The following CYP7B1 variants were observed in gnomAD, a reference collection of about 807,000 sequenced individuals.
CYP7B1 encodes the protein cytochrome P450 family 7 subfamily B member 1, also known as cytochrome P450 7B1.
CYP7B1 carries 29 observed loss-of-function variants against 42.7 expected under a neutral mutation model. That is an observed-to-expected ratio of 0.68 (90% confidence interval 0.51 to 0.93). The LOEUF (loss-of-function observed/expected upper bound fraction) is 0.93. Among genes scored for constraint, CYP7B1 ranks in the 40% least tolerant of loss-of-function variants. The probability of loss-of-function intolerance (pLI) is 0.00; values close to 1 mark genes in which losing one functional copy is unlikely to be tolerated. For synonymous variants in CYP7B1, 235 were observed against 218.2 expected (o/e 1.08, Z -0.68); for missense variants, 655 against 600.5 (o/e 1.09, Z -0.95).
At position 64,722,754 on chromosome 8, in the gene CYP7B1, G is replaced by T. The variant is rs535151051; in HGVS notation, c.122+75712C>A. ...ATGATTTTTTGCGGCGGGGGGGGGG[G>T]GGCGGGAGGTTTTTTTTTATTATTA... On this transcript the variant is annotated intron_variant, in intron 1 of 5. Coordinates refer to ENST00000310193, the MANE Select transcript of CYP7B1 (RefSeq NM_004820.5). 7.9e-5 allele frequency among the ~76,000 whole-genome samples: 7 copies of T among 88,598 alleles called. 1 individual carries two copies. Among genetic ancestry groups the T allele is most frequent in the Non-Finnish European group, 1.4e-4 (7 of 48,396 alleles). 58.1% of individuals were successfully genotyped at this position (88,598 alleles called of 152,430 possible).
intron 1 of CYP7B1, among the ~76,000 whole-genome samples, chr8:64,686,023 G>A (rs1305145150): frequency 7.5e-5 from 7 of 93,286 alleles, no homozygotes; most frequent in African/African-American, 1.3e-4. Flanking sequence ...CCCTCAGCCC[G>A]GCCAGCCACC....
downstream of CYP7B1, among the ~76,000 whole-genome samples, chr8:64,587,158 T>G (rs1804978929): frequency 6.6e-6 from 1 of 152,174 alleles, no homozygotes; most frequent in Admixed American, 6.5e-5. Context: ...TTCCAGCAGG[T>G]CCAGCATCCC....
intron 1 of CYP7B1, among the ~76,000 whole-genome samples, chr8:64,774,972 T>C (rs370059958): frequency 8.5e-5 from 13 of 152,152 alleles, no homozygotes; most frequent in African/African-American, 3.1e-4. Flanking sequence ...CCTGACACAT[T>C]CCAAACAAGT....
chr8:64,790,124 A>G (rs902971159), intron 1 of CYP7B1, among the ~76,000 whole-genome samples: 3 of 152,198 alleles, frequency 2.0e-5, no homozygotes, highest in Non-Finnish European at 4.4e-5. Flanking sequence ...ACACATTTTG[A>G]AAAGTGTAAG....
At chr8:64,772,537 T>A (rs903738085) in intron 1 of CYP7B1, among the ~76,000 whole-genome samples, 1 of 152,154 alleles carries the variant, frequency 6.6e-6, no homozygotes, top group Non-Finnish European at 1.5e-5. Flanking sequence ...CCCTGCAGAT[T>A]TTGGACTTGC....
intron 1 of CYP7B1, among the ~76,000 whole-genome samples, chr8:64,787,391 G>A (rs188795603): frequency 8.5e-5 from 13 of 152,244 alleles, no homozygotes; most frequent in Admixed American, 2.0e-4. Flanking sequence ...CTCTGGGGCC[G>A]GGGCAAAATG....
intron 1 of CYP7B1, among the ~76,000 whole-genome samples, chr8:64,667,161 T>C (rs956461870): frequency 6.6e-6 from 1 of 152,074 alleles, no homozygotes; most frequent in Admixed American, 6.5e-5. Context: ...ATGGGGAAAA[T>C]AGAAGGAGGA....
intron 1 of CYP7B1, among the ~76,000 whole-genome samples, chr8:64,721,432 A>C (rs1380365729): frequency 6.6e-6 from 1 of 152,166 alleles, no homozygotes; most frequent in Non-Finnish European, 1.5e-5. Context: ...TCTATTCATC[A>C]TTTAGGGGTC....
intron 1 of CYP7B1, among the ~76,000 whole-genome samples, chr8:64,761,391 T>C (rs979932729): frequency 7.9e-5 from 12 of 152,132 alleles, no homozygotes; most frequent in Non-Finnish European, 1.3e-4. Flanking sequence ...ATTAGCTTGG[T>C]TGTGAGAATA....
At chr8:64,696,458 C>T (rs1806829665) in intron 1 of CYP7B1, among the ~76,000 whole-genome samples, 2 of 151,966 alleles carry the variant, frequency 1.3e-5, no homozygotes, top group African/African-American at 4.8e-5. Context: ...TTATTTTTAC[C>T]ACCTAATCCT....
At chr8:64,690,849 T>A (rs1424769333) in intron 1 of CYP7B1, among the ~76,000 whole-genome samples, 3 of 152,222 alleles carry the variant, frequency 2.0e-5, no homozygotes, top group African/African-American at 7.2e-5. Context: ...TGCCAGGACA[T>A]TTTTGTGGCT....
intron 1 of CYP7B1, among the ~76,000 whole-genome samples, chr8:64,679,947 A>T (rs1300115729): frequency 6.6e-6 from 1 of 152,112 alleles, no homozygotes; most frequent in African/African-American, 2.4e-5. Context: ...TCTTGGCAAA[A>T]TTATAAATAT....
chr8:64,591,887 T>C lies in CYP7B1; in HGVS notation c.*4755A>G, dbSNP rs1247445277. Among the ~76,000 whole-genome samples, 1 of 152,154 alleles carries C rather than the reference T, an allele frequency of 6.6e-6. No individual in the cohort carries two copies. Among genetic ancestry groups the C allele is most frequent in the East Asian group, 1.9e-4 (1 of 5,196 alleles). On this transcript the variant is annotated 3_prime_UTR_variant, in exon 6 of 6. Coordinates refer to ENST00000310193, the MANE Select transcript of CYP7B1 (RefSeq NM_004820.5). Reference sequence around the variant, plus strand: ...TTTTAATTCAAAACTTAGGTGAAGCTATAAAAATGAAAAGATGGGGGCGGG... The same window carrying C: ...TTTTAATTCAAAACTTAGGTGAAGCCATAAAAATGAAAAGATGGGGGCGGG...
At chr8:64,778,610 A>G (rs1201183661) in intron 1 of CYP7B1, among the ~76,000 whole-genome samples, 1 of 152,116 alleles carries the variant, frequency 6.6e-6, no homozygotes, top group Admixed American at 6.6e-5. Flanking sequence ...GATGAGAAAC[A>G]CACTAAACTG....
chr8:64,681,563 C>T (rs1412277635), intron 1 of CYP7B1, among the ~76,000 whole-genome samples: 1 of 152,210 alleles, frequency 6.6e-6, no homozygotes, highest in Non-Finnish European at 1.5e-5. Context: ...GTATTGGAGT[C>T]TTTCTCTCAG....
chr8:64,627,095 A>T (rs1419400899), intron 1 of CYP7B1, among the ~76,000 whole-genome samples: 1 of 152,246 alleles, frequency 6.6e-6, no homozygotes, highest in Non-Finnish European at 1.5e-5. Context: ...AAGACAATTT[A>T]TCTTAATGCT....
At chr8:64,662,741 CG>C (rs1019406493) in intron 1 of CYP7B1, among the ~76,000 whole-genome samples, 9 of 152,220 alleles carry the variant, frequency 5.9e-5, no homozygotes, top group Admixed American at 3.9e-4. Flanking sequence ...CTTACCACAA[CG>C]CTACAAGATA....
intron 1 of CYP7B1, among the ~76,000 whole-genome samples, chr8:64,672,269 T>G (rs1205262857): frequency 6.6e-6 from 1 of 152,100 alleles, no homozygotes; most frequent in Non-Finnish European, 1.5e-5. Context: ...AACTGGAGGC[T>G]CTTGTTTCTC....
At chr8:64,677,212 C>T (rs1806458978) in intron 1 of CYP7B1, among the ~76,000 whole-genome samples, 1 of 151,850 alleles carries the variant, frequency 6.6e-6, no homozygotes, top group African/African-American at 2.4e-5. Flanking sequence ...GCAGTTCCTA[C>T]CCTAACTGGC....
Sources: allele counts gnomAD v4.1 joint callset (sites outside exome capture counted in the v4.1 genomes callset), GRCh38; gene constraint gnomAD v4.1.1; transcripts MANE v1.5; gene names NCBI Gene and HGNC (gene_info 2026-07-23, HGNC 2026-07-21).